The following PDE7A variants were observed in gnomAD, a reference collection of about 807,000 sequenced individuals.
PDE7A encodes the protein phosphodiesterase 7A.
A neutral mutation model predicts 64.3 loss-of-function variants in PDE7A; 39 were observed. That is an observed-to-expected ratio of 0.61 (90% CI 0.47 to 0.79). The LOEUF (loss-of-function observed/expected upper bound fraction) is 0.79. PDE7A is among the 30% of genes least tolerant of loss of function. The pLI is 0.00. For missense variants in PDE7A, 470 were observed against 582.8 expected (o/e 0.81, Z 1.99); for synonymous variants, 203 against 206.8 (o/e 0.98, Z 0.16).
intron 3 of PDE7A, among the ~76,000 whole-genome samples, chr8:65,749,624 G>A (rs1807843240): frequency 6.6e-6 from 1 of 152,216 alleles, no homozygotes; most frequent in South Asian, 2.1e-4. Context: ...CAAGTGCTTT[G>A]TAAAAAGAAT....
chr8:65,744,855 C>T (rs577833688), intron 5 of PDE7A, among the ~76,000 whole-genome samples: 5 of 152,104 alleles, frequency 3.3e-5, no homozygotes, highest in Non-Finnish European at 7.4e-5. Context: ...ATAATCAAAA[C>T]ATAAAATTAT....
intron 1 of PDE7A, among the ~76,000 whole-genome samples, chr8:65,787,959 T>G (rs1472720484): frequency 1.3e-5 from 2 of 152,206 alleles, no homozygotes; most frequent in Non-Finnish European, 2.9e-5. Context: ...ATTTTAAAAT[T>G]TAAATACATT....
intron 1 of PDE7A, among the ~76,000 whole-genome samples, chr8:65,809,630 T>A (rs1810199074): frequency 6.6e-6 from 1 of 152,172 alleles, no homozygotes; most frequent in Non-Finnish European, 1.5e-5. Flanking sequence ...ATCCAGAATC[T>A]ACAAAGAACT....
Position 65,716,222 on chromosome 8 carries a change from T to C in PDE7A, c.*3068A>G, listed in dbSNP as rs1476591215. 1.3e-5 allele frequency among the ~76,000 whole-genome samples: 2 copies of C among 150,830 alleles called. No individual in the cohort carries two copies. Among genetic ancestry groups the C allele is most frequent in the Non-Finnish European group, 3.0e-5 (2 of 67,758 alleles). Reference sequence around the variant, plus strand: ...CATAATAAAACAACTTTTCAATGGGTTTATTATATGTGTAGGCAGGAAATG... The same window carrying C: ...CATAATAAAACAACTTTTCAATGGGCTTATTATATGTGTAGGCAGGAAATG... On this transcript the variant is annotated 3_prime_UTR_variant, in exon 13 of 13. Coordinates refer to ENST00000401827, the MANE Select transcript of PDE7A (RefSeq NM_001242318.3).
chr8:65,735,704 C>T (rs1443207002), intron 6 of PDE7A, among the ~76,000 whole-genome samples: 1 of 152,134 alleles, frequency 6.6e-6, no homozygotes, highest in African/African-American at 2.4e-5. Flanking sequence ...GCTAACTGTG[C>T]AACGCCCACC....
intron 1 of PDE7A, among the ~76,000 whole-genome samples, chr8:65,812,311 G>A (rs1810276609): frequency 6.6e-6 from 1 of 151,990 alleles, no homozygotes; most frequent in Non-Finnish European, 1.5e-5. Context: ...AAAAGATGCA[G>A]TATTTAATAA....
At chr8:65,764,598 A>G (rs1212526558) in intron 3 of PDE7A, among the ~76,000 whole-genome samples, 1 of 152,230 alleles carries the variant, frequency 6.6e-6, no homozygotes, top group African/African-American at 2.4e-5. Flanking sequence ...GAAAAGCACT[A>G]AAAGCTTCCA....
In PDE7A at chr8:65,734,256, G is replaced by A. The variant is rs56256477; in HGVS notation, c.696+538C>T. On this transcript the variant is annotated intron_variant, in intron 7 of 12. Transcript: ENST00000401827. ...TTCACTGACTTCTGTTTCTTTCCCCGAAATGCATTCACCACCACATCCTGT... is the reference window on the plus strand; with the variant it reads ...TTCACTGACTTCTGTTTCTTTCCCCAAAATGCATTCACCACCACATCCTGT... 8.6e-3 allele frequency among the ~76,000 whole-genome samples: 1,314 copies of A among 152,098 alleles called. 18 individuals carry two copies. The highest frequency in any genetic ancestry group is 0.03 in the African/African-American group (1,242 of 41,482).
intron 1 of PDE7A, among the ~76,000 whole-genome samples, chr8:65,826,808 G>T (rs568687730): frequency 6.6e-6 from 1 of 152,106 alleles, no homozygotes; most frequent in African/African-American, 2.4e-5. Context: ...CCAAAATCAA[G>T]GAGTCAGCAG....
At chr8:65,745,887 C>T (rs910008725) in intron 4 of PDE7A, among the ~76,000 whole-genome samples, 3 of 152,108 alleles carry the variant, frequency 2.0e-5, no homozygotes, top group African/African-American at 7.2e-5. Flanking sequence ...TTATAAGTTA[C>T]TCACTCTTTT....
chr8:65,792,024 T>A (rs1304879645), intron 1 of PDE7A, among the ~76,000 whole-genome samples: 3 of 152,162 alleles, frequency 2.0e-5, no homozygotes, highest in Non-Finnish European at 4.4e-5. Context: ...ACCATAAATA[T>A]TATGCTTATA....
At chr8:65,795,217 G>A (rs1809807151) in intron 1 of PDE7A, among the ~76,000 whole-genome samples, 1 of 152,218 alleles carries the variant, frequency 6.6e-6, no homozygotes, top group African/African-American at 2.4e-5. Context: ...TGATCCTTGA[G>A]AGAATGGAAA....
intron 5 of PDE7A, among the ~76,000 whole-genome samples, chr8:65,740,576 A>G (rs1807374936): frequency 6.6e-6 from 1 of 151,968 alleles, no homozygotes; most frequent in Non-Finnish European, 1.5e-5. Context: ...AATTTTTTGT[A>G]TTTTTAGTAG....
At chr8:65,742,234 C>T (rs1349773327) in intron 5 of PDE7A, among the ~76,000 whole-genome samples, 1 of 152,154 alleles carries the variant, frequency 6.6e-6, no homozygotes, top group East Asian at 1.9e-4. Flanking sequence ...GAGTGGTCCT[C>T]AATCATTTTT....
At chr8:65,830,642 CAT>C (rs992246150) in intron 1 of PDE7A, among the ~76,000 whole-genome samples, 1 of 152,062 alleles carries the variant, frequency 6.6e-6, no homozygotes, top group Admixed American at 6.6e-5. Context: ...TTGTAATTAA[CAT>C]ATGTTGTTTT....
At chr8:65,830,399 T>C (rs1324039801) in intron 1 of PDE7A, among the ~76,000 whole-genome samples, 1 of 152,094 alleles carries the variant, frequency 6.6e-6, no homozygotes, top group South Asian at 2.1e-4. Context: ...GCATACAACC[T>C]AGAAGAATGG....
At chr8:65,734,377 G>A (rs1395240850) in intron 7 of PDE7A, among the ~76,000 whole-genome samples, 4 of 152,118 alleles carry the variant, frequency 2.6e-5, no homozygotes, top group Non-Finnish European at 2.9e-5. Flanking sequence ...GTAACTCCTG[G>A]CAGGTGTTCA....
chr8:65,811,151 G>T (rs200597488), intron 1 of PDE7A, among the ~76,000 whole-genome samples: 1 of 152,164 alleles, frequency 6.6e-6, no homozygotes, highest in African/African-American at 2.4e-5. Context: ...AGAAAAAAAG[G>T]AGGAAGATGA....
At chr8:65,826,394 T>C (rs2128933464) in intron 1 of PDE7A, among the ~76,000 whole-genome samples, 1 of 152,332 alleles carries the variant, frequency 6.6e-6, no homozygotes, top group South Asian at 2.1e-4. Flanking sequence ...AGAATTCCTA[T>C]GGAGGCTGGT....
Sources: gnomAD v4.1 joint callset for allele counts (sites outside exome capture counted in the v4.1 genomes callset) on GRCh38, gnomAD v4.1.1 for gene constraint, MANE v1.5 for transcripts, NCBI Gene and HGNC (gene_info 2026-07-23, HGNC 2026-07-21) for gene names.